The following CAMK2D variants were observed in gnomAD, a reference collection of about 807,000 sequenced individuals.
CAMK2D encodes calcium/calmodulin-dependent protein kinase type II subunit delta.
CAMK2D carries 37 observed loss-of-function variants against 84.0 expected under a neutral mutation model. That is an observed-to-expected ratio of 0.44 (90% confidence interval 0.34 to 0.58). CAMK2D has a LOEUF of 0.58. Among genes scored for constraint, CAMK2D ranks in the 20% least tolerant of loss-of-function variants. CAMK2D has a pLI of 0.02. For synonymous variants in CAMK2D, 202 were observed against 212.5 expected, an observed-to-expected ratio of 0.95 and a Z score of 0.43; for missense variants, 448 against 652.5, an observed-to-expected ratio of 0.69 and a Z score of 3.41.
chr4:113,697,772 T>C (rs964104782), intron 2 of CAMK2D, among the ~76,000 whole-genome samples: 1 of 105,312 alleles, frequency 9.5e-6, no homozygotes, highest in Non-Finnish European at 1.9e-5. Context: ...CTCCCTCAAA[T>C]AGAGTCCTTG....
intron 16 of CAMK2D, among the ~76,000 whole-genome samples, chr4:113,467,749 T>C (rs1032692982): frequency 1.3e-5 from 2 of 152,178 alleles, no homozygotes; most frequent in East Asian, 1.9e-4. Flanking sequence ...CAGTGACACA[T>C]TTTAGCTTAA....
intron 2 of CAMK2D, among the ~76,000 whole-genome samples, chr4:113,665,312 A>G (rs1561694965): frequency 6.6e-6 from 1 of 152,210 alleles, no homozygotes; most frequent in Non-Finnish European, 1.5e-5. Flanking sequence ...ACAATAATGA[A>G]AATGCATATC....
chr4:113,707,919 T>G lies in CAMK2D; in HGVS notation c.161-46147A>C, dbSNP rs772640791. Among the ~76,000 whole-genome samples, 12 of 152,216 alleles carry G rather than the reference T, an allele frequency of 7.9e-5. No homozygotes were observed. The Middle Eastern group carries it at 9.5e-3, about 120-fold the overall frequency. Reference sequence around the variant, plus strand: ...ATCTGATACCAATTCTCTGGAATATTAGAGGCTCAGTTGTTAGTTCCCTTC... The same window carrying G: ...ATCTGATACCAATTCTCTGGAATATGAGAGGCTCAGTTGTTAGTTCCCTTC... On this transcript the variant is annotated intron_variant, in intron 2 of 20. Transcript: ENST00000511664.
intron 4 of CAMK2D, among the ~76,000 whole-genome samples, chr4:113,578,434 T>G (rs1164511500): frequency 6.6e-6 from 1 of 152,220 alleles, no homozygotes; most frequent in Non-Finnish European, 1.5e-5. Flanking sequence ...TGCCACTCAC[T>G]CTGTTCCATC....
intron 12 of CAMK2D, chr4:113,513,034 C>T (rs536218974): frequency 6.7e-5 from 14 of 208,368 alleles, no homozygotes; most frequent in South Asian, 3.4e-4. Context: ...ACAACTCGTG[C>T]GCACCCCAGC....
chr4:113,622,839 T>A (rs2099051879), intron 3 of CAMK2D, among the ~76,000 whole-genome samples: 1 of 152,232 alleles, frequency 6.6e-6, no homozygotes, highest in South Asian at 2.1e-4. Context: ...AATGACATGA[T>A]GAAACACTGT....
intron 6 of CAMK2D, among the ~76,000 whole-genome samples, chr4:113,542,138 C>G (rs911186157): frequency 1.3e-5 from 2 of 152,284 alleles, no homozygotes; most frequent in South Asian, 2.1e-4. Flanking sequence ...ACTGAAAGAA[C>G]CAGAGTGTAA....
intron 16 of CAMK2D, among the ~76,000 whole-genome samples, chr4:113,486,000 G>C (rs2097762401): frequency 6.6e-6 from 1 of 152,164 alleles, no homozygotes; most frequent in Non-Finnish European, 1.5e-5. Flanking sequence ...TCTTTGAGGA[G>C]TCCTTTCAGA....
At chr4:113,516,231 C>A (rs1400452772) in intron 9 of CAMK2D, among the ~76,000 whole-genome samples, 1 of 152,114 alleles carries the variant, frequency 6.6e-6, no homozygotes, top group Non-Finnish European at 1.5e-5. Context: ...GCCAGCTAAA[C>A]AATTGCCATT....
chr4:113,658,432 C>T (rs1188112823), intron 3 of CAMK2D, among the ~76,000 whole-genome samples: 1 of 152,046 alleles, frequency 6.6e-6, no homozygotes, highest in Non-Finnish European at 1.5e-5. Flanking sequence ...GTTTGTTTTT[C>T]CCCCAGAGAG....
chr4:113,540,273 T>C (rs1052719966), intron 6 of CAMK2D, among the ~76,000 whole-genome samples: 1 of 152,190 alleles, frequency 6.6e-6, no homozygotes. Context: ...TTTGCAAATA[T>C]AGTTTACCCA....
intron 2 of CAMK2D, among the ~76,000 whole-genome samples, chr4:113,711,679 G>A (rs1197799725): frequency 1.3e-5 from 2 of 151,940 alleles, no homozygotes; most frequent in African/African-American, 4.8e-5. Context: ...TACTTATAAC[G>A]GCTATCACAG....
chr4:113,474,858 G>T (rs2097586611), intron 16 of CAMK2D, among the ~76,000 whole-genome samples: 1 of 152,126 alleles, frequency 6.6e-6, no homozygotes, highest in Non-Finnish European at 1.5e-5. Flanking sequence ...TGTTGGCCAT[G>T]CTGGTCTTGA....
intron 4 of CAMK2D, among the ~76,000 whole-genome samples, chr4:113,577,762 T>A (rs1284236017): frequency 6.6e-6 from 1 of 152,122 alleles, no homozygotes; most frequent in East Asian, 1.9e-4. Flanking sequence ...TACTATTTTT[T>A]TTTTTTAGAT....
At chr4:113,669,189 A>G (rs1032983052) in intron 2 of CAMK2D, among the ~76,000 whole-genome samples, 7 of 152,218 alleles carry the variant, frequency 4.6e-5, no homozygotes, top group Non-Finnish European at 1.0e-4. Context: ...TTAAGTGAAG[A>G]TACAACCTAT....
intron 2 of CAMK2D, among the ~76,000 whole-genome samples, chr4:113,758,147 A>G (rs888298922): frequency 1.3e-5 from 2 of 152,144 alleles, no homozygotes; most frequent in African/African-American, 2.4e-5. Context: ...TGGAGTAGAG[A>G]CTAAGAGAAC....
chr4:113,552,623 T>A (rs945170542), intron 4 of CAMK2D, among the ~76,000 whole-genome samples: 14 of 152,230 alleles, frequency 9.2e-5, no homozygotes, highest in African/African-American at 3.4e-4. Flanking sequence ...TATTTGTCAT[T>A]TTACATGAAA....
intron 2 of CAMK2D, among the ~76,000 whole-genome samples, chr4:113,662,420 A>AT (rs1284814355): frequency 6.6e-6 from 1 of 152,120 alleles, no homozygotes; most frequent in Non-Finnish European, 1.5e-5. Flanking sequence ...TTCTTCTTTG[A>AT]TTTTTTGGTG....
At chr4:113,570,842 CAACA>C (rs1246582672) in intron 4 of CAMK2D, among the ~76,000 whole-genome samples, 1 of 151,972 alleles carries the variant, frequency 6.6e-6, no homozygotes, top group African/African-American at 2.4e-5. Context: ...AGGAAACAAT[CAACA>C]GAGTGAAGAG....
Sources: allele counts gnomAD v4.1 joint callset (sites outside exome capture counted in the v4.1 genomes callset), GRCh38; gene constraint gnomAD v4.1.1; transcripts MANE v1.5; gene names NCBI Gene and HGNC (gene_info 2026-07-23, HGNC 2026-07-21).